The following ANKRD11 variants were observed in gnomAD, a reference collection of about 807,000 sequenced individuals.
ANKRD11 encodes ankyrin repeat domain-containing protein 11.
Under a neutral mutation model 195.7 loss-of-function variants are expected in ANKRD11, and 17 were observed. The observed-to-expected ratio is 0.09, with a 90% CI of 0.06 to 0.13. The LOEUF (loss-of-function observed/expected upper bound fraction) is 0.13, where lower values mean the gene tolerates loss of function less well. ANKRD11 is among the 10% of genes least tolerant of loss of function. ANKRD11 has a pLI of 1.00. For synonymous variants in ANKRD11, 1,953 were observed against 1,528.1 expected (o/e 1.28, Z -6.49); for missense variants, 3,735 against 3,566.1 (o/e 1.05, Z -1.21).
chr16:89,300,800 G>A (rs1212909857), intron 4 of ANKRD11: 3 of 694,620 alleles, frequency 4.3e-6, no homozygotes, highest in Non-Finnish European at 7.9e-6. Context: ...AGGCACCAGA[G>A]ACCAGGGTGT....
chr16:89,485,754 T>C (rs1322188923), intron 1 of ANKRD11, among the ~76,000 whole-genome samples: 1 of 152,152 alleles, frequency 6.6e-6, no homozygotes, highest in Admixed American at 6.5e-5. Context: ...CTCCATTTCG[T>C]TGTCTTTCCC....
intron 2 of ANKRD11, among the ~76,000 whole-genome samples, chr16:89,351,571 G>C (rs2039220431): frequency 1.3e-5 from 2 of 152,210 alleles, no homozygotes; most frequent in Admixed American, 1.3e-4. Flanking sequence ...TGTAAGTTAA[G>C]GCATGGAGAC....
intron 1 of ANKRD11, among the ~76,000 whole-genome samples, chr16:89,420,642 C>G (rs2042473824): frequency 6.6e-6 from 1 of 152,208 alleles, no homozygotes; most frequent in African/African-American, 2.4e-5. Flanking sequence ...GACTGACAGA[C>G]AATCTCAGTA....
intron 2 of ANKRD11, among the ~76,000 whole-genome samples, chr16:89,375,735 C>A (rs2040396339): frequency 7.0e-6 from 1 of 142,034 alleles, no homozygotes; most frequent in South Asian, 2.2e-4. Flanking sequence ...AGATTACAAG[C>A]ATGAGCCACT....
At chr16:89,392,114 G>A (rs1424992732) in intron 2 of ANKRD11, among the ~76,000 whole-genome samples, 1 of 152,140 alleles carries the variant, frequency 6.6e-6, no homozygotes, top group African/African-American at 2.4e-5. Context: ...TCCCGTTCCA[G>A]CCAATGGAAA....
chr16:89,295,081 T>C (rs1325624169), intron 4 of ANKRD11, among the ~76,000 whole-genome samples: 2 of 152,204 alleles, frequency 1.3e-5, no homozygotes, highest in African/African-American at 4.8e-5. Flanking sequence ...CTGGCAAGTC[T>C]AGGGACTAAG....
intron 12 of ANKRD11, among the ~76,000 whole-genome samples, chr16:89,269,195 C>T (rs2032913116): frequency 6.6e-6 from 1 of 152,146 alleles, no homozygotes; most frequent in Admixed American, 6.5e-5. Flanking sequence ...TAGATACCGT[C>T]TCAAGGCTGG....
At chr16:89,379,200 G>T (rs2040544293) in intron 2 of ANKRD11, among the ~76,000 whole-genome samples, 1 of 152,240 alleles carries the variant, frequency 6.6e-6, no homozygotes, top group Admixed American at 6.5e-5. Flanking sequence ...GCAGCCGGCG[G>T]GCTAGAAGGG....
intron 4 of ANKRD11, chr16:89,299,670 G>C (rs1215447980): frequency 5.8e-6 from 1 of 172,954 alleles, no homozygotes. Flanking sequence ...TGTGGGGTGC[G>C]TGGGGTCTGT....
At chr16:89,428,163 G>C (rs868427561) in intron 1 of ANKRD11, among the ~76,000 whole-genome samples, 4 of 152,014 alleles carry the variant, frequency 2.6e-5, no homozygotes, top group Admixed American at 2.6e-4. Flanking sequence ...AGCCAAGATC[G>C]TGCCACTGCA....
At chr16:89,276,239 G>C (rs2033641484) in intron 9 of ANKRD11, among the ~76,000 whole-genome samples, 1 of 152,202 alleles carries the variant, frequency 6.6e-6, no homozygotes, top group Non-Finnish European at 1.5e-5. Flanking sequence ...AGGCGGAAGG[G>C]GTGGCTCCTG....
In ANKRD11 at chr16:89,283,124, C is replaced by T. The variant is rs369869329; in HGVS notation, c.3418G>A (p.Ala1140Thr). Residue 1140 changes from alanine (A) to threonine (T), a missense_variant, in exon 9 of 13, where the codon GCC becomes ACC. Physicochemically the swap from Ala to Thr is moderately conservative, Grantham distance 58. Coordinates refer to ENST00000301030, the MANE Select transcript of ANKRD11 (RefSeq NM_013275.6). This position sits in a 1 kb window ranked among gnomAD's most constrained non-coding sequence, Gnocchi z 4.3. The stretch of plus-strand genomic sequence containing the variant: ...CCGTCCGTCCTCGGCAAGTCGCTGG[C>T]CTCTCCCATCTTGAACCCGCTCCCC... ...CMGSGFKMGE[A>T]SDLPRTDGLQ... The T allele has an allele frequency of 1.1e-5, 18 of 1,613,980 alleles. No individual in the cohort carries two copies. Among genetic ancestry groups the T allele is most frequent in the Non-Finnish European group, 1.3e-5 (15 of 1,180,030 alleles).
At chr16:89,294,052 C>T (rs922308901) in intron 4 of ANKRD11, among the ~76,000 whole-genome samples, 2 of 152,144 alleles carry the variant, frequency 1.3e-5, no homozygotes, top group African/African-American at 4.8e-5. Flanking sequence ...GGGCAGGACT[C>T]GGTGCCCCCA....
At chr16:89,435,583 C>A (rs1352275992) in intron 1 of ANKRD11, among the ~76,000 whole-genome samples, 3 of 152,120 alleles carry the variant, frequency 2.0e-5, no homozygotes, top group Non-Finnish European at 2.9e-5. Context: ...GGAACAAACT[C>A]CGGACACACC....
intron 1 of ANKRD11, among the ~76,000 whole-genome samples, chr16:89,483,591 G>A (rs895161846): frequency 2.6e-5 from 4 of 152,180 alleles, no homozygotes; most frequent in Admixed American, 6.5e-5. Context: ...CCCTTTGGGA[G>A]GCCAAGGCAG....
At chr16:89,363,672 G>T (rs2039826692) in intron 2 of ANKRD11, among the ~76,000 whole-genome samples, 1 of 152,168 alleles carries the variant, frequency 6.6e-6, no homozygotes, top group Admixed American at 6.5e-5. Flanking sequence ...ACCACACGCT[G>T]CTTCCCGTGT....
At chr16:89,383,182 C>G (rs925674774) in intron 2 of ANKRD11, among the ~76,000 whole-genome samples, 1 of 152,194 alleles carries the variant, frequency 6.6e-6, no homozygotes, top group African/African-American at 2.4e-5. Context: ...GTAAAGGGAG[C>G]GGTGCGAGGT....
At chr16:89,430,997 A>G (rs1009357087) in intron 1 of ANKRD11, among the ~76,000 whole-genome samples, 4 of 151,992 alleles carry the variant, frequency 2.6e-5, no homozygotes, top group Non-Finnish European at 4.4e-5. Context: ...GGCTCAACCT[A>G]TCCATCCCGG....
intron 2 of ANKRD11, among the ~76,000 whole-genome samples, chr16:89,393,314 ATTT>A (rs573197657): frequency 5.6e-4 from 78 of 139,332 alleles, no homozygotes; most frequent in African/African-American, 2.0e-3. Context: ...TTTTATTTTT[ATTT>A]TTTTTTTTTT....
Sources: gnomAD v4.1 joint callset for allele counts (sites outside exome capture counted in the v4.1 genomes callset) on GRCh38, gnomAD v4.1.1 for gene constraint, Gnocchi (gnomAD v3.1) non-coding constraint, MANE v1.5 for transcripts, NCBI Gene and HGNC (gene_info 2026-07-23, HGNC 2026-07-21) for gene names.